The following C19orf81 variants were observed in gnomAD, a reference collection of about 807,000 sequenced individuals.
The protein encoded by C19orf81 is chromosome 19 open reading frame 81, also known as putative uncharacterized protein C19orf81.
A neutral mutation model predicts 22.1 loss-of-function variants in C19orf81; 19 were observed. The ratio of observed to expected loss-of-function variants is 0.86; its 90% CI spans 0.60 to 1.26. C19orf81 has a LOEUF of 1.26. Among genes scored for constraint, C19orf81 ranks in the 50% most tolerant of loss-of-function variants. C19orf81 has a pLI of 0.00. For synonymous variants in C19orf81, 108 were observed against 113.1 expected, an observed-to-expected ratio of 0.95 and a Z score of 0.29; for missense variants, 287 against 280.7, an observed-to-expected ratio of 1.02 and a Z score of -0.16.
At chr19:50,655,605 C>T (rs914637748) in intron 1 of C19orf81, among the ~76,000 whole-genome samples, 3 of 151,650 alleles carry the variant, frequency 2.0e-5, no homozygotes, top group East Asian at 1.9e-4. Context: ...GCCGAGATTG[C>T]GCCACTGCAC....
At chr19:50,653,325 T>C (rs768379754) in intron 1 of C19orf81, among the ~76,000 whole-genome samples, 5 of 152,084 alleles carry the variant, frequency 3.3e-5, no homozygotes, top group Non-Finnish European at 7.4e-5. Context: ...AGGCGTGAGC[T>C]ACTGTGCCCG....
chr19:50,656,132 C>T lies in C19orf81; in HGVS notation c.140+10C>T. On this transcript the variant is annotated intron_variant, in intron 2 of 4. Coordinates refer to ENST00000425202, the MANE Select transcript of C19orf81 (RefSeq NM_001195076.2). ...GGCCCATCAAATCCTCGTGAGTTGT[C>T]CCTGGCCCCCATGACCTCTATCTTC... 4.6e-6 allele frequency: 7 copies of T among 1,536,150 alleles called. No homozygotes were observed. Among genetic ancestry groups the T allele is most frequent in the South Asian group, 1.2e-5 (1 of 84,064 alleles).
At chr19:50,651,393 G>C (rs907709924) in intron 1 of C19orf81, among the ~76,000 whole-genome samples, 4 of 152,094 alleles carry the variant, frequency 2.6e-5, no homozygotes, top group Admixed American at 6.5e-5. Context: ...ACCTCCTCTA[G>C]AGAGCCTTCC....
Position 50,659,063 on chromosome 19 carries a change from A to G in C19orf81, c.518A>G (p.Tyr173Cys). ...VRHDDLLLGDYRLHLRRSLVR... is the reference protein window; with the variant it reads ...VRHDDLLLGDCRLHLRRSLVR... ...CACGACGACCTCCTGCTGGGCGACT[A>G]CCGCCTGCACCTGCGCCGCTCCCTG... is the stretch of plus-strand genomic sequence containing the variant. Residue 173 changes from tyrosine to cysteine, a missense_variant, in exon 5 of 5, where the codon TAC becomes TGC. Physicochemically the swap from Tyr to Cys is radical, Grantham distance 194. Coordinates refer to ENST00000425202, the MANE Select transcript of C19orf81 (RefSeq NM_001195076.2). The G allele has an allele frequency of 6.5e-7, 1 of 1,526,894 alleles. No homozygotes were observed. The highest frequency in any genetic ancestry group is 8.8e-7 in the Non-Finnish European group (1 of 1,142,220). 94.6% of individuals were successfully genotyped at this position (1,526,894 alleles called of 1,614,324 possible). A position where few individuals can be genotyped will look rare whatever the true frequency, so the allele number is the denominator to read the frequency against.
chr19:50,655,882 CA>C (rs1449218524), intron 1 of C19orf81, among the ~76,000 whole-genome samples, 167 bp from the exon 2 acceptor site: 1 of 152,234 alleles, frequency 6.6e-6, no homozygotes, highest in South Asian at 2.1e-4. Flanking sequence ...CCAGGCATCA[CA>C]GAGCCGGTGT....
chr19:50,658,055 G>A lies in C19orf81; in HGVS notation c.328G>A (p.Glu110Lys), dbSNP rs1283651855. The change falls in exon 4 of 5, where the codon GAG becomes AAG. Residue 110 changes from glutamate to lysine, a missense_variant. Glu to Lys is a moderately conservative substitution (Grantham distance 56, BLOSUM62 1). Coordinates refer to ENST00000425202, the MANE Select transcript of C19orf81 (RefSeq NM_001195076.2). ...GGAGGCCCAGTTACCAGGGGCCATG[G>A]AGAGCGGGCGCGTGAGCAGCATCCG... ...ALEAQLPGAM[E>K]SGRVSSIRFE... is the part of the protein sequence containing the mutation. 2.6e-6 allele frequency: 4 copies of A among 1,535,930 alleles called. No homozygotes were observed. Among genetic ancestry groups the A allele is most frequent in the Non-Finnish European group, 3.5e-6 (4 of 1,146,870 alleles).
intron 1 of C19orf81, among the ~76,000 whole-genome samples, chr19:50,655,737 C>T (rs1984980763): frequency 1.3e-5 from 2 of 152,096 alleles, no homozygotes; most frequent in African/African-American, 4.8e-5. Context: ...CCTGGGGTGA[C>T]TAGAAGAGGA....
chr19:50,651,346 G>GTAAA (rs1318390729), intron 1 of C19orf81, among the ~76,000 whole-genome samples: 1 of 152,066 alleles, frequency 6.6e-6, no homozygotes, highest in Non-Finnish European at 1.5e-5. Context: ...TCTTTATTTG[G>GTAAA]TAAATACCTT....
chr19:50,649,790 TCTC>T (rs954630628), intron 1 of C19orf81: 13 of 564,720 alleles, frequency 2.3e-5, no homozygotes, highest in Non-Finnish European at 4.0e-5. Flanking sequence ...AGGCCATTCT[TCTC>T]CTAGGTAACC....
At chr19:50,656,401 G>T in intron 3 of C19orf81, 55 bp downstream of exon 3, 4 of 1,493,808 alleles carry the variant, frequency 2.7e-6, no homozygotes, top group Non-Finnish European at 3.6e-6. Flanking sequence ...TGATGGGAAG[G>T]GCACAGGCTG....
At position 50,659,090 on chromosome 19, in the gene C19orf81, T is replaced by G; in HGVS notation, c.545T>G (p.Val182Gly). The G allele has an allele frequency of 6.7e-7, 1 of 1,502,938 alleles. No homozygotes were observed. The highest frequency in any genetic ancestry group is 8.9e-7 in the Non-Finnish European group (1 of 1,129,662). 93.1% of individuals were successfully genotyped at this position (1,502,938 alleles called of 1,614,324 possible). A position where few individuals can be genotyped will look rare whatever the true frequency, so the allele number is the denominator to read the frequency against. ...CGCCTGCACCTGCGCCGCTCCCTGGTCCGGCGGCGCATGCTCGAGGCCCTG... is the reference window on the plus strand; with the variant it reads ...CGCCTGCACCTGCGCCGCTCCCTGGGCCGGCGGCGCATGCTCGAGGCCCTG... ...DYRLHLRRSL[V>G]RRRMLEALGA... is the part of the protein sequence containing the mutation. The change falls in exon 5 of 5, where the codon GTC (valine) becomes GGC (glycine). Residue 182 changes from valine to glycine, a missense_variant. Physicochemically the swap from Val to Gly is moderately radical, Grantham distance 109. Coordinates refer to ENST00000425202, the MANE Select transcript of C19orf81 (RefSeq NM_001195076.2).
chr19:50,652,251 C>T (rs933927876), intron 1 of C19orf81, among the ~76,000 whole-genome samples: 5 of 152,018 alleles, frequency 3.3e-5, no homozygotes, highest in South Asian at 2.1e-4. Flanking sequence ...AAATTAGGGC[C>T]CAAACAAAGT....
chr19:50,656,576 T>G (rs886501444), intron 3 of C19orf81, among the ~76,000 whole-genome samples: 3 of 152,148 alleles, frequency 2.0e-5, no homozygotes, highest in Admixed American at 2.0e-4. Flanking sequence ...AAGGGGAGGC[T>G]GAGGGGGGCA....
At chr19:50,651,324 C>T (rs1984874706) in intron 1 of C19orf81, among the ~76,000 whole-genome samples, 1 of 152,200 alleles carries the variant, frequency 6.6e-6, no homozygotes, top group Non-Finnish European at 1.5e-5. Context: ...AAACATCCTT[C>T]TCTCTGTCAC....
chr19:50,656,776 A>G (rs1417221066), intron 3 of C19orf81, among the ~76,000 whole-genome samples: 1 of 151,908 alleles, frequency 6.6e-6, no homozygotes, highest in African/African-American at 2.4e-5. Context: ...ACATGGTGAA[A>G]CCCCGTCTCT....
At chr19:50,657,460 C>T (rs1332566522) in intron 3 of C19orf81, among the ~76,000 whole-genome samples, 1 of 152,182 alleles carries the variant, frequency 6.6e-6, no homozygotes, top group Non-Finnish European at 1.5e-5. Context: ...ATGCTAATCA[C>T]GTGATGCAAC....
At chr19:50,652,911 A>G (rs952752944) in intron 1 of C19orf81, among the ~76,000 whole-genome samples, 4 of 152,122 alleles carry the variant, frequency 2.6e-5, no homozygotes, top group East Asian at 1.9e-4. Flanking sequence ...TCCTTATTCT[A>G]TCATTTTGTG....
Position 50,658,128 on chromosome 19 carries a change from G to A in C19orf81, c.401G>A (p.Arg134Gln), listed in dbSNP as rs1236064956. ...VICGTAGRRN[R>Q]WLIAVTDFQT... ...TGTGGGACTGCTGGGCGCCGGAACC[G>A]GTGAGTAAGCGGCGGGGGCGGGGCC... Residue 134 changes from arginine to glutamine, a missense_variant and splice_region_variant, in exon 4 of 5, where the codon CGG (arginine) becomes CAG (glutamine). Transcript: ENST00000425202. 2.0e-6 allele frequency: 3 copies of A among 1,533,434 alleles called. No homozygotes were observed. Among genetic ancestry groups the A allele is most frequent in the South Asian group, 1.2e-5 (1 of 83,758 alleles). 95.0% of individuals were successfully genotyped at this position (1,533,434 alleles called of 1,614,324 possible). A position where few individuals can be genotyped will look rare whatever the true frequency, so the allele number is the denominator to read the frequency against.
At chr19:50,658,923 T>G (rs2123046506) in intron 4 of C19orf81, 24 bp from the exon 5 acceptor site, 1 of 1,422,768 alleles carries the variant, frequency 7.0e-7, no homozygotes, top group East Asian at 2.9e-5. Flanking sequence ...GCGAGTTCCT[T>G]TTCCGTCCCC....
Sources: allele counts gnomAD v4.1 joint callset (sites outside exome capture counted in the v4.1 genomes callset), GRCh38; gene constraint gnomAD v4.1.1; transcripts MANE v1.5; gene names NCBI Gene and HGNC (gene_info 2026-07-23, HGNC 2026-07-21).